SYNPO2: variants seen among roughly 807,000 people sequenced by gnomAD.
SYNPO2 encodes synaptopodin 2.
In SYNPO2, 56 loss-of-function variants were observed where a neutral mutation model predicts 85.0. The observed-to-expected ratio is 0.66, with a 90% CI of 0.53 to 0.82. The LOEUF (loss-of-function observed/expected upper bound fraction) is 0.82. Among genes scored for constraint, SYNPO2 ranks in the 40% least tolerant of loss-of-function variants. The probability of loss-of-function intolerance (pLI) is 0.00; values close to 1 mark genes in which losing one functional copy is unlikely to be tolerated. For synonymous variants in SYNPO2, 602 were observed against 591.1 expected, an observed-to-expected ratio of 1.02 and a Z score of -0.27; for missense variants, 1,575 against 1,534.2, an observed-to-expected ratio of 1.03 and a Z score of -0.44.
At chr4:118,976,613 G>T (rs545692044) in intron 1 of SYNPO2, among the ~76,000 whole-genome samples, 1 of 152,162 alleles carries the variant, frequency 6.6e-6, no homozygotes, top group South Asian at 2.1e-4. Context: ...TAGATACAAA[G>T]GTTCTCCACG....
At chr4:118,928,252 A>G (rs941448580) in intron 1 of SYNPO2, among the ~76,000 whole-genome samples, 1 of 152,214 alleles carries the variant, frequency 6.6e-6, no homozygotes, top group Non-Finnish European at 1.5e-5. Context: ...AGAACTAATC[A>G]GTCCATGTAG....
intron 1 of SYNPO2, among the ~76,000 whole-genome samples, chr4:119,012,690 T>C (rs1390600633): frequency 6.6e-6 from 1 of 152,206 alleles, no homozygotes; most frequent in Admixed American, 6.5e-5. Flanking sequence ...CAATGGTGGT[T>C]TCCAGCTTCA....
intron 3 of SYNPO2, 96 bp downstream of exon 3, chr4:119,027,534 G>T: frequency 8.6e-7 from 1 of 1,161,838 alleles, no homozygotes; most frequent in Admixed American, 2.9e-5. Context: ...TTTTTCTTAT[G>T]TTTCTCATTG....
intron 1 of SYNPO2, among the ~76,000 whole-genome samples, chr4:118,987,001 A>G: frequency 6.6e-6 from 1 of 152,190 alleles, no homozygotes; most frequent in Non-Finnish European, 1.5e-5. Context: ...CACTCAATAA[A>G]CCAACACAGT....
intron 1 of SYNPO2, among the ~76,000 whole-genome samples, chr4:118,932,264 G>A (rs542086111): frequency 2.2e-4 from 34 of 152,226 alleles, no homozygotes; most frequent in South Asian, 8.3e-4. Flanking sequence ...CTGAGATAGA[G>A]GCACCACTGA....
At chr4:118,993,395 G>A (rs1190329742) in intron 1 of SYNPO2, among the ~76,000 whole-genome samples, 3 of 152,296 alleles carry the variant, frequency 2.0e-5, no homozygotes, top group East Asian at 3.9e-4. Flanking sequence ...ATAGACAAAC[G>A]TATCTCATTT....
intron 4 of SYNPO2, among the ~76,000 whole-genome samples, chr4:119,056,793 G>A (rs1282789821): frequency 2.0e-5 from 3 of 152,104 alleles, no homozygotes; most frequent in African/African-American, 4.8e-5. Flanking sequence ...GATTTTGAGC[G>A]GAAAAGGGCC....
intron 1 of SYNPO2, among the ~76,000 whole-genome samples, chr4:118,962,090 G>T (rs1480520037): frequency 6.6e-6 from 1 of 152,148 alleles, no homozygotes; most frequent in Non-Finnish European, 1.5e-5. Flanking sequence ...GTAGATGGCT[G>T]GTAACTGATG....
rs1014285920 is a variant in SYNPO2, at chr4:119,026,709, G to A, written c.340G>A (p.Glu114Lys). Residue 114 changes from glutamate to lysine, a missense_variant, in exon 3 of 5, where the codon GAA (glutamate) becomes AAA (lysine). Physicochemically the swap from Glu to Lys is moderately conservative, Grantham distance 56. Transcript: ENST00000307142. ...GCATCTCACACATGGGGGTTATGTG[G>A]AAAGTACCACCCTGCAGATTCGACC... ...LEHLTHGGYV[E>K]STTLQIRPAT... 6 of 1,614,130 alleles carry A rather than the reference G, an allele frequency of 3.7e-6. No individual in the cohort carries two copies. The Admixed American group carries it at 5.0e-5, about 13-fold the overall frequency.
chr4:119,057,266 T>C, intron 4 of SYNPO2, 135 bp from the exon 5 acceptor site: 1 of 1,046,754 alleles, frequency 9.6e-7, no homozygotes, highest in Non-Finnish European at 1.3e-6. Flanking sequence ...AGACTAAGCA[T>C]TCTGGGGGGT....
chr4:118,911,159 C>T (rs1476988415), intron 1 of SYNPO2, among the ~76,000 whole-genome samples: 2 of 152,080 alleles, frequency 1.3e-5, no homozygotes, highest in African/African-American at 2.4e-5. Context: ...CTTTAGTCCT[C>T]GGATGAAGCA....
Position 118,943,001 on chromosome 4 carries a change from G to C in SYNPO2, c.105+53860G>C, listed in dbSNP as rs539749586. Among the ~76,000 whole-genome samples, 14 of 152,182 alleles carry C rather than the reference G, an allele frequency of 9.2e-5. No homozygotes were observed. The East Asian group carries it at 2.7e-3, about 29-fold the overall frequency. On this transcript the variant is annotated intron_variant, in intron 1 of 4. Coordinates refer to ENST00000307142, the MANE Select transcript of SYNPO2 (RefSeq NM_133477.3). Reference sequence around the variant, plus strand: ...ATGCGCCTGTAATCCCAGCTACTTGGGAGGCTGAGGCAGGAGAATCTCTTG... The same window carrying C: ...ATGCGCCTGTAATCCCAGCTACTTGCGAGGCTGAGGCAGGAGAATCTCTTG...
chr4:118,962,325 C>T (rs1735129924), intron 1 of SYNPO2, among the ~76,000 whole-genome samples: 1 of 152,310 alleles, frequency 6.6e-6, no homozygotes, highest in Admixed American at 6.5e-5. Flanking sequence ...GCATCTTTGA[C>T]ATACTATGCT....
At chr4:118,882,832 C>T (rs975439948) in intron 1 of SYNPO2, among the ~76,000 whole-genome samples, 4 of 151,378 alleles carry the variant, frequency 2.6e-5, no homozygotes, top group African/African-American at 9.7e-5. Flanking sequence ...TGCAATGGTG[C>T]GATCTCGGCT....
intron 1 of SYNPO2, among the ~76,000 whole-genome samples, chr4:118,979,240 C>T (rs1314876129): frequency 1.3e-5 from 2 of 152,192 alleles, no homozygotes; most frequent in African/African-American, 4.8e-5. Flanking sequence ...GCTTAGCTAT[C>T]TCTTGAATAG....
intron 4 of SYNPO2, among the ~76,000 whole-genome samples, chr4:119,051,766 G>A (rs1422520889): frequency 2.6e-5 from 4 of 152,156 alleles, no homozygotes; most frequent in Non-Finnish European, 5.9e-5. Flanking sequence ...GGATGTTGAA[G>A]TTTTACCCAA....
chr4:118,913,723 A>T (rs1560857043), intron 1 of SYNPO2, among the ~76,000 whole-genome samples: 1 of 152,056 alleles, frequency 6.6e-6, no homozygotes, highest in African/African-American at 2.4e-5. Flanking sequence ...CATAATGAAG[A>T]TCTTGCTACC....
At chr4:118,863,537 G>A (rs918098363) in intron 1 of SYNPO2, among the ~76,000 whole-genome samples, 1 of 151,700 alleles carries the variant, frequency 6.6e-6, no homozygotes, top group African/African-American at 2.4e-5. Context: ...ATTTATTTGG[G>A]TCTTCTCTCT....
intron 1 of SYNPO2, among the ~76,000 whole-genome samples, chr4:119,006,960 T>C (rs1737053031): frequency 6.6e-6 from 1 of 151,768 alleles, no homozygotes; most frequent in Non-Finnish European, 1.5e-5. Flanking sequence ...AATTTGTTGG[T>C]TTGTTGCACC....
Sources: allele counts gnomAD v4.1 joint callset (sites outside exome capture counted in the v4.1 genomes callset), GRCh38; gene constraint gnomAD v4.1.1; transcripts MANE v1.5; gene names NCBI Gene and HGNC (gene_info 2026-07-23, HGNC 2026-07-21).